The following RWDD3 variants were observed in gnomAD, a reference collection of about 807,000 sequenced individuals.
The protein encoded by RWDD3 is RWD domain-containing protein 3.
RWDD3 carries 30 observed loss-of-function variants against 26.5 expected under a neutral mutation model. The observed-to-expected ratio is 1.13, with a 90% CI of 0.85 to 1.54. The LOEUF is 1.54. Ranked by LOEUF, RWDD3 falls within the 40% of genes most tolerant of loss-of-function variation. RWDD3 has a pLI of 0.00. For missense variants in RWDD3, 296 were observed against 309.1 expected (o/e 0.96, Z 0.32); for synonymous variants, 113 against 114.5 (o/e 0.99, Z 0.09).
At position 95,240,631 on chromosome 1, in the gene RWDD3, G is replaced by A. The variant is rs149552735; in HGVS notation, c.86-3580G>A. ...AAAAGTGAGGAGAGAGGAAGTCAGA[G>A]TGGTAGGCTGGCCCTAGGCGTTGCA... On this transcript the variant is annotated intron_variant, in intron 1 of 3. Coordinates refer to ENST00000370202, the MANE Select transcript of RWDD3 (RefSeq NM_015485.5). Among the ~76,000 whole-genome samples, 537 of 152,244 alleles carry A rather than the reference G, an allele frequency of 3.5e-3. 5 individuals are homozygous for A. Among genetic ancestry groups the A allele is most frequent in the Non-Finnish European group, 5.6e-3 (380 of 68,012 alleles).
At chr1:95,243,939 T>C (rs1344036138) in intron 1 of RWDD3, among the ~76,000 whole-genome samples, 1 of 152,218 alleles carries the variant, frequency 6.6e-6, no homozygotes, top group Non-Finnish European at 1.5e-5. Flanking sequence ...TGAAAAACCT[T>C]TCTGGTAACT....
chr1:95,246,438 G>A, intron 2 of RWDD3, 104 bp from the exon 3 acceptor site: 2 of 598,156 alleles, frequency 3.3e-6, no homozygotes, highest in Admixed American at 6.0e-5. Flanking sequence ...TAAAAAGGGG[G>A]TATTTAAGCA....
intron 1 of RWDD3, among the ~76,000 whole-genome samples, chr1:95,234,835 AT>A (rs1680229773): frequency 6.6e-6 from 1 of 151,732 alleles, no homozygotes; most frequent in African/African-American, 2.4e-5. Flanking sequence ...GAACTTTTTC[AT>A]TTATCCAGTG....
At chr1:95,238,381 G>C (rs141900938) in intron 1 of RWDD3, among the ~76,000 whole-genome samples, 1 of 151,876 alleles carries the variant, frequency 6.6e-6, no homozygotes, top group Non-Finnish European at 1.5e-5. Context: ...CTATAAAACC[G>C]ATGAGATTGC....
At chr1:95,239,040 C>A (rs1223122116) in intron 1 of RWDD3, among the ~76,000 whole-genome samples, 1 of 152,110 alleles carries the variant, frequency 6.6e-6, no homozygotes, top group African/African-American at 2.4e-5. Flanking sequence ...AACAAGAGGG[C>A]AAGACCCTTT....
intron 1 of RWDD3, among the ~76,000 whole-genome samples, chr1:95,239,092 T>C (rs751525379): frequency 3.2e-4 from 49 of 152,258 alleles, no homozygotes; most frequent in African/African-American, 9.9e-4. Flanking sequence ...CTTGGACTTA[T>C]GGAGATTTTA....
intron 1 of RWDD3, among the ~76,000 whole-genome samples, chr1:95,238,419 T>G (rs948306083): frequency 5.9e-5 from 9 of 151,870 alleles, no homozygotes; most frequent in South Asian, 2.1e-4. Context: ...ATTTTTAGTT[T>G]TTTTTTTTTT....
chr1:95,242,198 T>C, intron 1 of RWDD3, among the ~76,000 whole-genome samples: 1 of 152,256 alleles, frequency 6.6e-6, no homozygotes, highest in Non-Finnish European at 1.5e-5. Flanking sequence ...TTTATGTTTA[T>C]ATAAATTATA....
chr1:95,245,202 A>G (rs1247331526), intron 2 of RWDD3, among the ~76,000 whole-genome samples: 1 of 152,200 alleles, frequency 6.6e-6, no homozygotes, highest in Non-Finnish European at 1.5e-5. Context: ...TCATGTTAGT[A>G]GAAGTAGAAT....
chr1:95,237,088 T>C (rs2101097289), intron 1 of RWDD3, among the ~76,000 whole-genome samples: 1 of 151,936 alleles, frequency 6.6e-6, no homozygotes, highest in East Asian at 1.9e-4. Context: ...TGCTGAGAGG[T>C]AGAATAATTC....
intron 1 of RWDD3, among the ~76,000 whole-genome samples, chr1:95,235,376 T>TTTTTTA (rs59080363): frequency 2.0e-4 from 21 of 104,344 alleles, no homozygotes; most frequent in Non-Finnish European, 3.2e-4. Context: ...TTTTTTTTTT[T>TTTTTTA]GAGACAGAGT....
chr1:95,235,822 G>A (rs993142945), intron 1 of RWDD3, among the ~76,000 whole-genome samples: 5 of 151,716 alleles, frequency 3.3e-5, no homozygotes, highest in African/African-American at 1.2e-4. Flanking sequence ...ACTATTTTTT[G>A]ATGATAGGTG....
chr1:95,240,490 C>G (rs1170088572), intron 1 of RWDD3, among the ~76,000 whole-genome samples: 2 of 152,082 alleles, frequency 1.3e-5, no homozygotes, highest in Middle Eastern at 3.2e-3. Flanking sequence ...AACTGTGGAA[C>G]TGGACAAAAT....
At position 95,244,111 on chromosome 1, in the gene RWDD3, T is replaced by A. The variant is rs74105322; in HGVS notation, c.86-100T>A. The A allele has an allele frequency of 1.0e-3, 1,529 of 1,505,564 alleles. 12 individuals are homozygous for A. In the African/African-American group the frequency reaches 0.017, roughly 17 times the overall value. 93.3% of individuals were successfully genotyped at this position (1,505,564 alleles called of 1,614,324 possible). On this transcript the variant is annotated intron_variant, in intron 1 of 3. Transcript: ENST00000370202. ...CATAAAATAGCTCAGAGTTTTCTCA[T>A]GAAAAATAAATTGACATTTGAGACA...
intron 1 of RWDD3, among the ~76,000 whole-genome samples, chr1:95,241,740 T>C (rs1253565003): frequency 6.6e-6 from 1 of 152,208 alleles, no homozygotes; most frequent in Non-Finnish European, 1.5e-5. Context: ...AAAGGGGTTC[T>C]GCTCCTGAAT....
Position 95,246,617 on chromosome 1 carries a change from A to T in RWDD3, c.649A>T (p.Ser217Cys), listed in dbSNP as rs1443764402. The change falls in exon 3 of 4, where the codon AGT (serine) becomes TGT (cysteine). Residue 217 changes from serine (S) to cysteine (C), a missense_variant. Coordinates refer to ENST00000370202, the MANE Select transcript of RWDD3 (RefSeq NM_015485.5). ...AAAGAAATGCAAAGAGAAAATGATT[A>T]GTGTACTGTTTGAAACAAAAGTACA... ...SGKKCKEKMISVLFETKVQTE... is the reference protein window; with the variant it reads ...SGKKCKEKMICVLFETKVQTE... The T allele has an allele frequency of 6.2e-7, 1 of 1,612,660 alleles. No individual in the cohort carries two copies. Among genetic ancestry groups the T allele is most frequent in the Admixed American group, 1.7e-5 (1 of 59,904 alleles).
At chr1:95,236,740 C>T (rs1284085706) in intron 1 of RWDD3, among the ~76,000 whole-genome samples, 1 of 152,164 alleles carries the variant, frequency 6.6e-6, no homozygotes, top group Non-Finnish European at 1.5e-5. Flanking sequence ...TTGAAGAGAT[C>T]ATCAGTTTTC....
chr1:95,243,928 A>G (rs1413811780), intron 1 of RWDD3, among the ~76,000 whole-genome samples: 1 of 152,240 alleles, frequency 6.6e-6, no homozygotes, highest in Non-Finnish European at 1.5e-5. Context: ...AAATTATCTG[A>G]TGAAAAACCT....
intron 1 of RWDD3, chr1:95,239,833 C>G (rs905042609): frequency 7.8e-7 from 1 of 1,289,558 alleles, no homozygotes; most frequent in African/African-American, 1.5e-5. Context: ...ATGGCTGGCT[C>G]AGTAGCTTTT....
Sources: allele counts gnomAD v4.1 joint callset (sites outside exome capture counted in the v4.1 genomes callset), GRCh38; gene constraint gnomAD v4.1.1; transcripts MANE v1.5; gene names NCBI Gene and HGNC (gene_info 2026-07-23, HGNC 2026-07-21).